ZNF385D: variants seen among roughly 807,000 people sequenced by gnomAD.
ZNF385D encodes the protein zinc finger protein 659.
In ZNF385D, 15 loss-of-function variants were observed where a neutral mutation model predicts 35.8. That is an observed-to-expected ratio of 0.42 (90% CI 0.28 to 0.64). The LOEUF is 0.64. ZNF385D is among the 30% of genes least tolerant of loss of function. The probability of loss-of-function intolerance (pLI) is 0.23; values close to 1 mark genes in which losing one functional copy is unlikely to be tolerated. For synonymous variants in ZNF385D, 212 were observed against 186.8 expected (o/e 1.13, Z -1.10); for missense variants, 474 against 494.6 (o/e 0.96, Z 0.39).
chr3:21,766,784 A>G (rs2070848348), intron 3 of ZNF385D, among the ~76,000 whole-genome samples: 1 of 152,082 alleles, frequency 6.6e-6, no homozygotes, highest in African/African-American at 2.4e-5. Flanking sequence ...GGAGAAATAA[A>G]GTAGTGGAGA....
At chr3:22,075,378 T>A (rs2125571082) in intron 3 of ZNF385D, among the ~76,000 whole-genome samples, 1 of 152,054 alleles carries the variant, frequency 6.6e-6, no homozygotes, top group Middle Eastern at 3.4e-3. Flanking sequence ...AATTTCACTC[T>A]AATCTGATTC....
intron 2 of ZNF385D, among the ~76,000 whole-genome samples, chr3:22,245,161 T>C (rs989861558): frequency 6.6e-6 from 1 of 152,090 alleles, no homozygotes; most frequent in Non-Finnish European, 1.5e-5. Context: ...GAACAATAAA[T>C]AGATTATTAA....
At chr3:21,926,422 A>C (rs1310503108) in intron 3 of ZNF385D, among the ~76,000 whole-genome samples, 1 of 152,068 alleles carries the variant, frequency 6.6e-6, no homozygotes, top group African/African-American at 2.4e-5. Flanking sequence ...CCTGAGAATG[A>C]TGGTTTCCAG....
At chr3:22,182,880 T>C (rs1395685241) in intron 2 of ZNF385D, among the ~76,000 whole-genome samples, 1 of 152,054 alleles carries the variant, frequency 6.6e-6, no homozygotes, top group Admixed American at 6.6e-5. Flanking sequence ...CTTTAGTAAA[T>C]GTTTTGTTAT....
Position 21,527,188 on chromosome 3 carries a change from T to C in ZNF385D, c.277-16165A>G, listed in dbSNP as rs1708278365. ...AGGTACATAGTAGGTGCTCAGTATC[T>C]ATTTGTTGAATGATAATTACATATT... is the stretch of plus-strand genomic sequence containing the variant. On this transcript the variant is annotated intron_variant, in intron 3 of 7. Transcript: ENST00000281523. 2.0e-5 allele frequency among the ~76,000 whole-genome samples: 3 copies of C among 152,224 alleles called. No homozygotes were observed. The South Asian group carries it at 6.2e-4, about 31-fold the overall frequency.
chr3:22,299,211 A>G (rs1702765093), intron 2 of ZNF385D, among the ~76,000 whole-genome samples: 1 of 151,934 alleles, frequency 6.6e-6, no homozygotes, highest in South Asian at 2.1e-4. Flanking sequence ...GGAAATGACT[A>G]TCAGTTCTTT....
At chr3:21,968,164 G>A (rs1314755334) in intron 3 of ZNF385D, among the ~76,000 whole-genome samples, 1 of 152,150 alleles carries the variant, frequency 6.6e-6, no homozygotes, top group Non-Finnish European at 1.5e-5. Flanking sequence ...AGTCACAGCG[G>A]AAAGCAACAT....
intron 3 of ZNF385D, among the ~76,000 whole-genome samples, chr3:21,871,080 C>T (rs577090666): frequency 6.6e-6 from 1 of 152,248 alleles, no homozygotes; most frequent in African/African-American, 2.4e-5. Flanking sequence ...TGAAGACTCT[C>T]CCCAACTCTG....
At chr3:21,765,512 A>G (rs66490054) in intron 3 of ZNF385D, among the ~76,000 whole-genome samples, 9,666 of 152,172 alleles carry the variant, frequency 0.064, 652 homozygotes, top group East Asian at 0.34. Flanking sequence ...TGAGACAATC[A>G]TGTTTGTTCT....
At chr3:21,577,596 A>G (rs1056281948) in intron 2 of ZNF385D, among the ~76,000 whole-genome samples, 5 of 152,138 alleles carry the variant, frequency 3.3e-5, no homozygotes, top group African/African-American at 1.2e-4. Context: ...CTGTTTTTCC[A>G]TAACGGCTGT....
chr3:21,690,354 T>C (rs1212572153), intron 1 of ZNF385D, among the ~76,000 whole-genome samples: 1 of 152,154 alleles, frequency 6.6e-6, no homozygotes, highest in Admixed American at 6.5e-5. Context: ...ATGTAATTGA[T>C]ACAACCTTGC....
chr3:22,243,949 A>G (rs1350185316), intron 2 of ZNF385D, among the ~76,000 whole-genome samples: 2 of 150,844 alleles, frequency 1.3e-5, no homozygotes, highest in African/African-American at 4.9e-5. Context: ...ATATATTTCT[A>G]TTATATATAT....
chr3:22,358,658 AAG>A (rs754774458), intron 2 of ZNF385D, among the ~76,000 whole-genome samples: 14 of 151,818 alleles, frequency 9.2e-5, no homozygotes, highest in African/African-American at 1.4e-4. Flanking sequence ...CTTGTAATAA[AAG>A]AGAAATTTTG....
Position 21,494,028 on chromosome 3 carries a change from C to T in ZNF385D, c.439+16833G>A, listed in dbSNP as rs555308241. Among the ~76,000 whole-genome samples, 42 of 151,914 alleles carry T rather than the reference C, an allele frequency of 2.8e-4. No individual in the cohort carries two copies. The South Asian group carries it at 8.3e-3, about 30-fold the overall frequency. On this transcript the variant is annotated intron_variant, in intron 4 of 7. Coordinates refer to ENST00000281523, the MANE Select transcript of ZNF385D (RefSeq NM_024697.3). ...TTGTTATTCCAGAGAATTCTGTCATCGTCTAGATAGCATTACAAGAGCAAG... is the reference window on the plus strand; with the variant it reads ...TTGTTATTCCAGAGAATTCTGTCATTGTCTAGATAGCATTACAAGAGCAAG...
chr3:22,214,863 CTTGTGATA>C (rs1697760772), intron 2 of ZNF385D, among the ~76,000 whole-genome samples: 3 of 100,492 alleles, frequency 3.0e-5, no homozygotes, highest in Non-Finnish European at 6.6e-5. Context: ...CTCCATTTGC[CTTGTGATA>C]TTCTATTACC....
chr3:22,041,906 A>C (rs1339742360), intron 3 of ZNF385D, among the ~76,000 whole-genome samples: 10 of 152,158 alleles, frequency 6.6e-5, no homozygotes, highest in Admixed American at 5.9e-4. Context: ...TGAAGAAAGA[A>C]TTTCATAGGG....
intron 1 of ZNF385D, among the ~76,000 whole-genome samples, chr3:21,725,576 A>T (rs2068724088): frequency 6.6e-6 from 1 of 152,236 alleles, no homozygotes; most frequent in Non-Finnish European, 1.5e-5. Context: ...TAAACTAGAA[A>T]ATCTAGAATA....
intron 3 of ZNF385D, among the ~76,000 whole-genome samples, chr3:21,956,443 G>C (rs1297607364): frequency 3.3e-5 from 5 of 151,846 alleles, no homozygotes; most frequent in Admixed American, 3.3e-4. Flanking sequence ...GGGAGAAGAA[G>C]AAAAAGGATT....
At chr3:21,714,035 CCT>C (rs2068220028) in intron 1 of ZNF385D, among the ~76,000 whole-genome samples, 1 of 152,110 alleles carries the variant, frequency 6.6e-6, no homozygotes, top group Admixed American at 6.5e-5. Context: ...CATCCTCAAC[CCT>C]CTAACACTTT....
Sources: allele counts gnomAD v4.1 joint callset (sites outside exome capture counted in the v4.1 genomes callset), GRCh38; gene constraint gnomAD v4.1.1; transcripts MANE v1.5; gene names NCBI Gene and HGNC (gene_info 2026-07-23, HGNC 2026-07-21).